CREBRF: variants seen among roughly 807,000 people sequenced by gnomAD.
CREBRF encodes the protein UPF0474 protein C5orf41.
Under a neutral mutation model 66.1 loss-of-function variants are expected in CREBRF, and 5 were observed. The observed-to-expected ratio is 0.08, with a 90% CI of 0.04 to 0.16. The LOEUF is 0.16. Among genes scored for constraint, CREBRF ranks in the 10% least tolerant of loss-of-function variants. The pLI, the probability that CREBRF is intolerant of heterozygous loss-of-function variation, is 1.00. For synonymous variants in CREBRF, 229 were observed against 264.4 expected, an observed-to-expected ratio of 0.87 and a Z score of 1.30; for missense variants, 531 against 744.9, an observed-to-expected ratio of 0.71 and a Z score of 3.34.
At chr5:173,108,986 G>C in intron 5 of CREBRF, 168 bp downstream of exon 5, 1 of 610,472 alleles carries the variant, frequency 1.6e-6, no homozygotes, top group Non-Finnish European at 2.8e-6. Flanking sequence ...CTCACAAATA[G>C]CTTTTACCAG....
intron 4 of CREBRF, among the ~76,000 whole-genome samples, chr5:173,102,210 G>T (rs1396853435): frequency 1.3e-5 from 2 of 152,198 alleles, no homozygotes; most frequent in Admixed American, 1.3e-4. Context: ...GAAGTTCATA[G>T]ATCTGCATTA....
At position 173,090,880 on chromosome 5, in the gene CREBRF, A is replaced by C; in HGVS notation, c.701A>C (p.Tyr234Ser). The C allele has an allele frequency of 1.2e-6, 2 of 1,614,170 alleles. No individual in the cohort carries two copies. Among genetic ancestry groups the C allele is most frequent in the Non-Finnish European group, 1.7e-6 (2 of 1,180,022 alleles). ...KVNFHVECKD[Y>S]VKKAKVKINP... ...AACTTTCATGTTGAATGTAAAGACT[A>C]TGTAAAAAAGGCAAAGGTAAAGATC... The change falls in exon 4 of 9, where the codon TAT (tyrosine) becomes TCT (serine). Residue 234 changes from tyrosine (Y) to serine (S), a missense_variant. Tyr to Ser is a moderately radical substitution (Grantham distance 144). This residue lies in a region of CREBRF where 309 missense variants were observed against 341.4 expected (regional missense o/e 0.90). Transcript: ENST00000296953. This position sits in a 1 kb window ranked among gnomAD's most constrained non-coding sequence, Gnocchi z 4.5.
intron 7 of CREBRF, among the ~76,000 whole-genome samples, chr5:173,112,715 A>G (rs1758899558): frequency 6.6e-6 from 1 of 152,220 alleles, no homozygotes; most frequent in Non-Finnish European, 1.5e-5. Flanking sequence ...AACAACCTGC[A>G]CTTCTCGAAA....
intron 1 of CREBRF, among the ~76,000 whole-genome samples, chr5:173,076,057 C>CAAAA (rs35215379): frequency 5.4e-5 from 5 of 92,528 alleles, no homozygotes; most frequent in East Asian, 4.0e-4. Context: ...CCCATCTCTA[C>CAAAA]AAAAAAAAAA....
chr5:173,138,306 G>A lies in CREBRF; in HGVS notation c.*4561G>A, dbSNP rs957570424. 1.3e-5 allele frequency: 2 copies of A among 152,308 alleles called. No individual in the cohort carries two copies. The highest frequency in any genetic ancestry group is 2.9e-5 in the Non-Finnish European group (2 of 68,018). 9.4% of individuals were successfully genotyped at this position (152,308 alleles called of 1,614,324 possible). ...ATGGTGGTTTCGTTTTAAGGAATAA[G>A]CATGTTGGGGAAAGATGATGAAAAT... On this transcript the variant is annotated 3_prime_UTR_variant, in exon 9 of 9. Transcript: ENST00000296953.
intron 2 of CREBRF, among the ~76,000 whole-genome samples, chr5:173,082,908 C>CAATAAAAAAAAAA (rs1758002551): frequency 3.5e-5 from 1 of 28,984 alleles, no homozygotes; most frequent in Non-Finnish European, 6.1e-5. Flanking sequence ...GACTCTGTCT[C>CAATAAAAAAAAAA]AAAAAAAAAA....
chr5:173,107,379 C>T (rs1213778324), intron 4 of CREBRF, among the ~76,000 whole-genome samples: 2 of 152,144 alleles, frequency 1.3e-5, no homozygotes, highest in African/African-American at 4.8e-5. Context: ...GGTGGCCATT[C>T]TCTGAGGGTA....
chr5:173,118,908 T>TA (rs1035612763), intron 7 of CREBRF, among the ~76,000 whole-genome samples: 4 of 150,696 alleles, frequency 2.7e-5, no homozygotes, highest in East Asian at 1.9e-4. Flanking sequence ...AAAAAAAGAT[T>TA]AAAAAAAAAC....
intron 1 of CREBRF, among the ~76,000 whole-genome samples, chr5:173,060,645 G>T (rs940351927): frequency 2.6e-5 from 4 of 151,914 alleles, no homozygotes; most frequent in African/African-American, 9.7e-5. Flanking sequence ...AGCTCATTTC[G>T]GGATAGGTAA....
intron 1 of CREBRF, among the ~76,000 whole-genome samples, chr5:173,075,690 G>A (rs1302852812): frequency 6.6e-6 from 1 of 151,942 alleles, no homozygotes. Context: ...TTCAGTCACC[G>A]AGGTTGCCTG....
chr5:173,095,530 A>C (rs897991114), intron 4 of CREBRF, among the ~76,000 whole-genome samples: 5 of 152,126 alleles, frequency 3.3e-5, no homozygotes, highest in African/African-American at 1.2e-4. Context: ...AAATCAGATA[A>C]TATGATGCCT....
At chr5:173,123,788 A>AAAATTAAAT (rs1759199227) in intron 8 of CREBRF, 1 of 152,280 alleles carries the variant, frequency 6.6e-6, no homozygotes, top group Non-Finnish European at 1.5e-5. Context: ...GAAAACCCCC[A>AAAATTAAAT]AAATTAAATA....
chr5:173,064,924 G>A lies in CREBRF; in HGVS notation c.-192+8445G>A, dbSNP rs1757389091. On this transcript the variant is annotated intron_variant, in intron 1 of 8. Transcript: ENST00000296953. Reference sequence around the variant, plus strand: ...GAGTTTTACTATGTTTCCCAGGCTGGTCTTGAACTCCTGAACTCAAGTGAC... The same window carrying A: ...GAGTTTTACTATGTTTCCCAGGCTGATCTTGAACTCCTGAACTCAAGTGAC... 1.3e-5 allele frequency among the ~76,000 whole-genome samples: 2 copies of A among 151,880 alleles called. 1 individual carries two copies. Among genetic ancestry groups the A allele is most frequent in the South Asian group, 4.1e-4 (2 of 4,820 alleles).
In CREBRF at chr5:173,061,830, G is replaced by A. The variant is rs149247609; in HGVS notation, c.-192+5351G>A. 7.2e-5 allele frequency among the ~76,000 whole-genome samples: 11 copies of A among 152,284 alleles called. No homozygotes were observed. In the East Asian group the frequency reaches 1.9e-3, roughly 27 times the overall value. ...AAGTGCCTAGTGAAGCAGAGATGCC[G>A]TAATCTAAAAATATAACTGGGAAAT... On this transcript the variant is annotated intron_variant, in intron 1 of 8. Coordinates refer to ENST00000296953, the MANE Select transcript of CREBRF (RefSeq NM_153607.3).
intron 7 of CREBRF, among the ~76,000 whole-genome samples, chr5:173,116,817 CT>C (rs1181121971): frequency 6.6e-6 from 1 of 152,190 alleles, no homozygotes; most frequent in Non-Finnish European, 1.5e-5. Context: ...GTTTTCCCAA[CT>C]GACTGTGCCA....
At chr5:173,112,880 T>G (rs1758901975) in intron 7 of CREBRF, among the ~76,000 whole-genome samples, 1 of 152,210 alleles carries the variant, frequency 6.6e-6, no homozygotes, top group Non-Finnish European at 1.5e-5. Flanking sequence ...CTCATTGGAA[T>G]TGTCTGTGTA....
At chr5:173,115,942 T>C (rs1758979698) in intron 7 of CREBRF, among the ~76,000 whole-genome samples, 2 of 152,224 alleles carry the variant, frequency 1.3e-5, no homozygotes, top group Non-Finnish European at 2.9e-5. Flanking sequence ...CCCTCTCACT[T>C]TCCTCTTCAA....
At chr5:173,126,202 G>A (rs536972676) in intron 8 of CREBRF, among the ~76,000 whole-genome samples, 5 of 152,108 alleles carry the variant, frequency 3.3e-5, no homozygotes, top group South Asian at 2.1e-4. Flanking sequence ...GTGCAGTGGC[G>A]TGATCTTGGC....
rs200659735 is a variant in CREBRF at position 173,122,569 on chromosome 5, TTTATTATTATTATTATTA to T, written c.1682-482_1682-465del. On this transcript the variant is annotated intron_variant, in intron 7 of 8. Transcript: ENST00000296953. Reference sequence around the variant, plus strand: ...TTTGTTGGTGTCATCTATTATTTCTTTTATTATTATTATTATTATTATTATTATTATTATTATTATTAT... The same window carrying T: ...TTTGTTGGTGTCATCTATTATTTCTTTTATTATTATTATTATTATTATTAT... Among the ~76,000 whole-genome samples, 1,172 of 132,070 alleles carry T rather than the reference TTTATTATTATTATTATTA, an allele frequency of 8.9e-3. 22 individuals carry two copies. The highest frequency in any genetic ancestry group is 0.031 in the African/African-American group (1,080 of 34,956). 86.6% of individuals were successfully genotyped at this position (132,070 alleles called of 152,430 possible).
Sources: allele counts gnomAD v4.1 joint callset (sites outside exome capture counted in the v4.1 genomes callset), GRCh38; gene constraint gnomAD v4.1.1; regional missense constraint gnomAD v4.1.1; non-coding constraint Gnocchi (gnomAD v3.1); transcripts MANE v1.5; gene names NCBI Gene and HGNC (gene_info 2026-07-23, HGNC 2026-07-21).